Variants in CTNNA2 observed in about 807,000 individuals in gnomAD.
CTNNA2 encodes the protein catenin alpha 2.
Under a neutral mutation model 101.0 loss-of-function variants are expected in CTNNA2, and 42 were observed. The observed-to-expected ratio is 0.42, with a 90% CI of 0.32 to 0.54. The LOEUF is 0.54. Ranked by LOEUF, CTNNA2 falls within the 20% of genes least tolerant of loss-of-function variation. The pLI is 0.14. For missense variants in CTNNA2, 871 were observed against 1,223.1 expected (o/e 0.71, Z 4.29); for synonymous variants, 450 against 456.4 (o/e 0.99, Z 0.18).
intron 1 of CTNNA2, among the ~76,000 whole-genome samples, chr2:79,567,784 G>A (rs1295487156): frequency 1.3e-5 from 2 of 152,104 alleles, no homozygotes; most frequent in African/African-American, 2.4e-5. Flanking sequence ...GTGGGAAAGA[G>A]CCAAACTCGG....
intron 7 of CTNNA2, among the ~76,000 whole-genome samples, chr2:80,337,029 G>A (rs939353883): frequency 6.6e-5 from 10 of 152,128 alleles, no homozygotes; most frequent in African/African-American, 2.4e-4. Flanking sequence ...AAATTACCTG[G>A]AAATGTTCAA....
chr2:79,600,153 A>G (rs1677456966), intron 1 of CTNNA2, among the ~76,000 whole-genome samples: 1 of 151,924 alleles, frequency 6.6e-6, no homozygotes, highest in African/African-American at 2.4e-5. Flanking sequence ...ACACCGAGAG[A>G]TAGTGAGCTC....
chr2:80,206,116 G>T (rs2149027230), intron 7 of CTNNA2, among the ~76,000 whole-genome samples: 1 of 152,200 alleles, frequency 6.6e-6, no homozygotes, highest in African/African-American at 2.4e-5. Flanking sequence ...ATAATTATCA[G>T]CATATTCTCC....
At chr2:80,502,808 T>C (rs1022382192) in intron 9 of CTNNA2, among the ~76,000 whole-genome samples, 1 of 152,172 alleles carries the variant, frequency 6.6e-6, no homozygotes, top group Non-Finnish European at 1.5e-5. Flanking sequence ...TCCTTGGTCT[T>C]GGCTGGGGTG....
At chr2:79,732,850 C>T (rs1400042790) in intron 2 of CTNNA2, among the ~76,000 whole-genome samples, 2 of 151,984 alleles carry the variant, frequency 1.3e-5, no homozygotes, top group Non-Finnish European at 2.9e-5. Context: ...GTGGCTTCTT[C>T]GTCTTTAACA....
intron 4 of CTNNA2, among the ~76,000 whole-genome samples, chr2:79,404,465 A>C (rs936778999): frequency 6.6e-6 from 1 of 151,998 alleles, no homozygotes; most frequent in Non-Finnish European, 1.5e-5. Flanking sequence ...AGCTTTTTAA[A>C]ATATATATAC....
At chr2:80,385,356 T>G (rs1301288061) in intron 7 of CTNNA2, among the ~76,000 whole-genome samples, 1 of 152,080 alleles carries the variant, frequency 6.6e-6, no homozygotes, top group Non-Finnish European at 1.5e-5. Flanking sequence ...GAGGACTCCC[T>G]TGCCCCCTTG....
intron 3 of CTNNA2, among the ~76,000 whole-genome samples, chr2:79,762,308 G>A (rs7584972): frequency 0.33 from 50,663 of 151,942 alleles, 10,821 homozygotes; most frequent in African/African-American, 0.61. Context: ...GCCAAGAGTC[G>A]GGAAAGACAC....
chr2:79,651,091 T>C (rs1415014086), intron 1 of CTNNA2, among the ~76,000 whole-genome samples: 1 of 152,006 alleles, frequency 6.6e-6, no homozygotes, highest in Non-Finnish European at 1.5e-5. Flanking sequence ...AGTTCAACCA[T>C]TGTGGAAGTC....
chr2:79,874,570 C>G (rs575632648), intron 6 of CTNNA2, among the ~76,000 whole-genome samples: 11 of 152,268 alleles, frequency 7.2e-5, no homozygotes, highest in African/African-American at 2.6e-4. Flanking sequence ...CCTGTAATCC[C>G]AGAACTTTGG....
chr2:79,304,572 A>G (rs890187662), intron 2 of CTNNA2, among the ~76,000 whole-genome samples: 8 of 152,180 alleles, frequency 5.3e-5, no homozygotes, highest in Admixed American at 3.9e-4. Context: ...AGACTCATAA[A>G]CCGAAGGATT....
chr2:80,276,665 G>C (rs1022075374), intron 7 of CTNNA2, among the ~76,000 whole-genome samples: 6 of 151,882 alleles, frequency 4.0e-5, no homozygotes, highest in African/African-American at 1.2e-4. Flanking sequence ...AGGAGGAGGA[G>C]GAGGAGGAAG....
intron 2 of CTNNA2, among the ~76,000 whole-genome samples, chr2:79,707,289 G>A (rs949146965): frequency 2.0e-5 from 3 of 152,140 alleles, no homozygotes; most frequent in Non-Finnish European, 4.4e-5. Flanking sequence ...ACCCTGACAA[G>A]GATGAATTGA....
At chr2:79,993,096 C>T (rs1022185224) in intron 7 of CTNNA2, among the ~76,000 whole-genome samples, 13 of 152,264 alleles carry the variant, frequency 8.5e-5, no homozygotes, top group African/African-American at 2.9e-4. Context: ...AGGAAAAAAA[C>T]GACTCAAACT....
intron 17 of CTNNA2, among the ~76,000 whole-genome samples, chr2:80,616,986 C>T (rs558349326): frequency 2.3e-4 from 35 of 151,706 alleles, no homozygotes; most frequent in Non-Finnish European, 4.3e-4. Flanking sequence ...ATAAGAAATG[C>T]CAATAGACAA....
intron 7 of CTNNA2, among the ~76,000 whole-genome samples, chr2:80,081,722 G>A (rs965908263): frequency 3.3e-5 from 5 of 150,766 alleles, no homozygotes; most frequent in African/African-American, 1.2e-4. Flanking sequence ...TTACTACTCC[G>A]CTAAGACAAT....
At chr2:80,394,439 A>C (rs771543708) in intron 8 of CTNNA2, among the ~76,000 whole-genome samples, 33 of 152,184 alleles carry the variant, frequency 2.2e-4, no homozygotes, top group Non-Finnish European at 3.7e-4. Context: ...CCAGCTAACA[A>C]ACCTTTTGGG....
rs576482273 is a variant in CTNNA2 at position 80,630,172 on chromosome 2, G to A, written c.2574+10944G>A. Among the ~76,000 whole-genome samples, 15 of 152,120 alleles carry A rather than the reference G, an allele frequency of 9.9e-5. No individual in the cohort carries two copies. In the East Asian group the frequency reaches 2.1e-3, roughly 22 times the overall value. On this transcript the variant is annotated intron_variant, in intron 18 of 18. Coordinates refer to ENST00000402739, the MANE Select transcript of CTNNA2 (RefSeq NM_001282597.3). ...GAGCTTATGTATTTCTATTCCCAAC[G>A]GTAATTAAGGGTTTCAGTGAAAATA...
At chr2:80,633,540 A>G (rs1460944778) in intron 18 of CTNNA2, among the ~76,000 whole-genome samples, 1 of 152,178 alleles carries the variant, frequency 6.6e-6, no homozygotes, top group African/African-American at 2.4e-5. Flanking sequence ...GTTTCCCTCC[A>G]CATAAATGGC....
Sources: allele counts gnomAD v4.1 joint callset (sites outside exome capture counted in the v4.1 genomes callset), GRCh38; gene constraint gnomAD v4.1.1; transcripts MANE v1.5; gene names NCBI Gene and HGNC (gene_info 2026-07-23, HGNC 2026-07-21).